UTRN: variants seen among roughly 807,000 people sequenced by gnomAD.
UTRN encodes the protein utrophin, also known as dystrophin-related protein 1.
A neutral mutation model predicts 463.9 loss-of-function variants in UTRN; 283 were observed. That is an observed-to-expected ratio of 0.61 (90% CI 0.55 to 0.67). UTRN has a LOEUF of 0.67. Among genes scored for constraint, UTRN ranks in the 30% least tolerant of loss-of-function variants. UTRN has a pLI of 0.00. For synonymous variants in UTRN, 1,442 were observed against 1,431.5 expected (o/e 1.01, Z -0.17); for missense variants, 3,922 against 4,084.3 (o/e 0.96, Z 1.08).
At chr6:144,613,908 A>G (rs939857838) in intron 51 of UTRN, among the ~76,000 whole-genome samples, 15 of 152,058 alleles carry the variant, frequency 9.9e-5, no homozygotes, top group African/African-American at 3.4e-4. Flanking sequence ...GTATGCAAAC[A>G]TATATATTTT....
chr6:144,618,781 T>A (rs548314523), intron 51 of UTRN, among the ~76,000 whole-genome samples: 45 of 152,282 alleles, frequency 3.0e-4, no homozygotes, highest in African/African-American at 1.1e-3. Context: ...ATATGCTATA[T>A]TAGTTAAAGC....
intron 26 of UTRN, among the ~76,000 whole-genome samples, chr6:144,480,741 C>T (rs1562465006): frequency 6.6e-6 from 1 of 151,924 alleles, no homozygotes. Context: ...GTTTTCAAAG[C>T]TTTTTTTTCC....
In UTRN at chr6:144,533,222, G is replaced by A. The variant is rs1797220874; in HGVS notation, c.6195G>A (p.Trp2065Ter). The stretch of plus-strand genomic sequence containing the variant: ...AACTGGCAGGTTTAAACCAACGCTG[G>A]GATGCAATTGTTGCAGAAGTGAAGG... ...KEKLAGLNQRWDAIVAEVKDR... is the reference protein window; with the variant it reads ...KEKLAGLNQR The change falls in exon 43 of 75, where the codon TGG becomes TGA. Residue 2065 changes from tryptophan (W) to a stop codon, truncating the protein, a stop_gained. Transcript: ENST00000367545. LOFTEE classifies it high-confidence loss of function. 1.2e-6 allele frequency: 2 copies of A among 1,613,972 alleles called. No individual in the cohort carries two copies. Among genetic ancestry groups the A allele is most frequent in the African/African-American group, 2.7e-5 (2 of 74,928 alleles).
chr6:144,721,425 T>C (rs936215444), intron 53 of UTRN, among the ~76,000 whole-genome samples: 3 of 152,194 alleles, frequency 2.0e-5, no homozygotes, highest in Non-Finnish European at 4.4e-5. Flanking sequence ...CCCAGGCTGG[T>C]GTCAAATTTC....
chr6:144,597,893 A>G (rs1422332742), intron 51 of UTRN, among the ~76,000 whole-genome samples: 1 of 152,214 alleles, frequency 6.6e-6, no homozygotes, highest in Non-Finnish European at 1.5e-5. Context: ...TTTTTAAATC[A>G]TTACATTTTA....
chr6:144,433,366 A>T (rs1416413854), intron 9 of UTRN, among the ~76,000 whole-genome samples: 105 of 130,836 alleles, frequency 8.0e-4, no homozygotes, highest in Middle Eastern at 4.5e-3. Flanking sequence ...GCGGGGGCTG[A>T]CCCCCACCTC....
chr6:144,836,749 A>G (rs76097305), intron 71 of UTRN: 9,769 of 730,304 alleles, frequency 0.013, 127 homozygotes, highest in African/African-American at 0.041. Context: ...CCAGCTTACA[A>G]TGGAATTTCC....
At chr6:144,680,377 GAAT>G (rs2128684987) in intron 52 of UTRN, among the ~76,000 whole-genome samples, 1 of 152,238 alleles carries the variant, frequency 6.6e-6, no homozygotes, top group East Asian at 1.9e-4. Flanking sequence ...ACTACAGTTG[GAAT>G]ATTATGTAAT....
intron 29 of UTRN, 76 bp downstream of exon 29, chr6:144,487,773 G>C (rs1792616282): frequency 7.3e-7 from 1 of 1,378,674 alleles, no homozygotes; most frequent in East Asian, 2.5e-5. Flanking sequence ...ATATCATAGA[G>C]CTTTAATGTT....
At chr6:144,328,752 C>T (rs1433636657) in intron 2 of UTRN, among the ~76,000 whole-genome samples, 1 of 151,508 alleles carries the variant, frequency 6.6e-6, no homozygotes, top group Non-Finnish European at 1.5e-5. Flanking sequence ...CCCTTCATTG[C>T]CCCCATAGAC....
At chr6:144,555,792 G>A (rs1799328667) in intron 49 of UTRN, among the ~76,000 whole-genome samples, 1 of 152,218 alleles carries the variant, frequency 6.6e-6, no homozygotes, top group East Asian at 1.9e-4. Flanking sequence ...CTCCCACCAG[G>A]CTCCTCCTTC....
intron 53 of UTRN, among the ~76,000 whole-genome samples, chr6:144,710,952 A>C (rs569274650): frequency 2.4e-4 from 36 of 152,324 alleles, no homozygotes; most frequent in African/African-American, 8.7e-4. Flanking sequence ...GTGTAAGTAC[A>C]TGTTTAATTC....
At chr6:144,316,590 C>G (rs536094808) in intron 2 of UTRN, among the ~76,000 whole-genome samples, 1 of 152,264 alleles carries the variant, frequency 6.6e-6, no homozygotes, top group Non-Finnish European at 1.5e-5. Context: ...GTTAGTTTCA[C>G]TATAAAAGTT....
chr6:144,752,008 C>G, intron 56 of UTRN, 56 bp downstream of exon 56: 2 of 1,488,670 alleles, frequency 1.3e-6, no homozygotes, highest in Non-Finnish European at 1.8e-6. Context: ...GTCTTTAAAC[C>G]CTACCTCACT....
intron 51 of UTRN, among the ~76,000 whole-genome samples, chr6:144,646,468 T>C (rs1475290670): frequency 4.6e-5 from 7 of 152,280 alleles, no homozygotes; most frequent in African/African-American, 1.7e-4. Context: ...CAGAACAACA[T>C]GACTGTCATT....
intron 48 of UTRN, among the ~76,000 whole-genome samples, chr6:144,552,022 C>G (rs1243020940): frequency 6.6e-6 from 1 of 152,126 alleles, no homozygotes; most frequent in African/African-American, 2.4e-5. Context: ...ATAGATCTTA[C>G]AACTACTTTA....
chr6:144,383,770 G>A (rs1781149152), intron 2 of UTRN, among the ~76,000 whole-genome samples: 1 of 152,192 alleles, frequency 6.6e-6, no homozygotes, highest in Admixed American at 6.5e-5. Flanking sequence ...ACCATAGTGA[G>A]TTCCAGCAAA....
intron 51 of UTRN, among the ~76,000 whole-genome samples, chr6:144,610,221 A>C (rs1369877975): frequency 6.6e-6 from 1 of 151,980 alleles, no homozygotes; most frequent in Non-Finnish European, 1.5e-5. Context: ...CAAAGAAGTA[A>C]ATATCAGAAA....
At chr6:144,594,129 G>A (rs1803399452) in intron 51 of UTRN, among the ~76,000 whole-genome samples, 1 of 152,180 alleles carries the variant, frequency 6.6e-6, no homozygotes, top group South Asian at 2.1e-4. Context: ...GTAGAAGTCA[G>A]TCTGTCTAGA....
Sources: allele counts gnomAD v4.1 joint callset (sites outside exome capture counted in the v4.1 genomes callset), GRCh38; gene constraint gnomAD v4.1.1; transcripts MANE v1.5; gene names NCBI Gene and HGNC (gene_info 2026-07-23, HGNC 2026-07-21).